Variants in MOSMO observed in about 807,000 individuals in gnomAD.
MOSMO encodes the protein modulator of smoothened protein.
MOSMO carries 5 observed loss-of-function variants against 18.4 expected under a neutral mutation model. The observed-to-expected ratio is 0.27, with a 90% CI of 0.14 to 0.57. MOSMO has a LOEUF of 0.57. Ranked by LOEUF, MOSMO falls within the 20% of genes least tolerant of loss-of-function variation. The pLI, the probability that MOSMO is intolerant of heterozygous loss-of-function variation, is 0.92. For missense variants in MOSMO, 138 were observed against 211.8 expected (o/e 0.65, Z 2.16); for synonymous variants, 82 against 82.3 (o/e 1.00, Z 0.02).
chr16:22,092,074 G>A (rs1267380173), downstream of MOSMO: 1 of 152,450 alleles, frequency 6.6e-6, no homozygotes, highest in Non-Finnish European at 1.5e-5. Flanking sequence ...GATGCGAAGA[G>A]GTCACTGAGC....
At chr16:22,010,933 GAAA>G (rs568258058) in intron 1 of MOSMO, among the ~76,000 whole-genome samples, 2 of 84,044 alleles carry the variant, frequency 2.4e-5, no homozygotes, top group Non-Finnish European at 5.1e-5. Context: ...AAAGAAAACA[GAAA>G]AAAAAAAAAA....
intron 2 of MOSMO, 141 bp from the exon 3 acceptor site, chr16:22,080,555 A>G: frequency 1.9e-6 from 1 of 527,614 alleles, no homozygotes; most frequent in South Asian, 2.9e-5. Flanking sequence ...GACCTGAAAT[A>G]TATACACATT....
intron 1 of MOSMO, among the ~76,000 whole-genome samples, chr16:22,021,189 G>T (rs1238835020): frequency 6.6e-6 from 1 of 152,130 alleles, no homozygotes; most frequent in Non-Finnish European, 1.5e-5. Context: ...CATTGGTCTG[G>T]TCTAGAATGG....
chr16:22,033,154 T>C (rs1900031261), intron 1 of MOSMO, among the ~76,000 whole-genome samples: 1 of 152,202 alleles, frequency 6.6e-6, no homozygotes, highest in South Asian at 2.1e-4. Flanking sequence ...AAAAATTCTA[T>C]GGCTATTCTG....
At chr16:22,036,886 A>T (rs1281090243) in intron 1 of MOSMO, among the ~76,000 whole-genome samples, 1 of 152,248 alleles carries the variant, frequency 6.6e-6, no homozygotes, top group Non-Finnish European at 1.5e-5. Flanking sequence ...TTGAATTTGA[A>T]GAGGTTGTCA....
At chr16:22,092,556 G>T in the MOSMO span, 73 of 1,531,378 alleles carry the variant, frequency 4.8e-5, no homozygotes, top group Non-Finnish European at 6.4e-5. Flanking sequence ...GCTTGGAGGA[G>T]CTTGGAGAAA....
chr16:22,032,102 A>G (rs1338961423), intron 1 of MOSMO, among the ~76,000 whole-genome samples: 1 of 151,772 alleles, frequency 6.6e-6, no homozygotes, highest in Non-Finnish European at 1.5e-5. Context: ...CCTGATTACT[A>G]ATGATGTAGC....
intron 1 of MOSMO, among the ~76,000 whole-genome samples, chr16:22,044,544 G>A (rs1900271087): frequency 1.3e-5 from 2 of 152,210 alleles, no homozygotes; most frequent in East Asian, 3.9e-4. Context: ...TTTTTGGATT[G>A]GGGATGCTCA....
In MOSMO at chr16:22,039,669, C is replaced by CA. The variant is rs1254064333; in HGVS notation, c.106+31269dup. On this transcript the variant is annotated intron_variant, in intron 1 of 2. Coordinates refer to ENST00000542527, the MANE Select transcript of MOSMO (RefSeq NM_001164579.2). ...CAACATAATGAGTCCTTGTCTCTTA[C>CA]AAAAAAAGAATTCATGAGCCAGGAG... Among the ~76,000 whole-genome samples, 11 of 151,972 alleles carry CA rather than the reference C, an allele frequency of 7.2e-5. No homozygotes were observed. In the East Asian group the frequency reaches 2.1e-3, roughly 29 times the overall value.
At chr16:22,050,733 A>G (rs2141745055) in intron 1 of MOSMO, among the ~76,000 whole-genome samples, 1 of 152,006 alleles carries the variant, frequency 6.6e-6, no homozygotes, top group South Asian at 2.1e-4. Flanking sequence ...AATTTTTTTA[A>G]GTAGATGGAT....
chr16:22,061,629 C>T (rs903861747), intron 1 of MOSMO, among the ~76,000 whole-genome samples: 1 of 152,116 alleles, frequency 6.6e-6, no homozygotes, highest in South Asian at 2.1e-4. Flanking sequence ...TCAGTATTTG[C>T]GGAATGAATG....
chr16:22,065,083 A>G (rs895145448), intron 1 of MOSMO, among the ~76,000 whole-genome samples: 1 of 152,194 alleles, frequency 6.6e-6, no homozygotes, highest in African/African-American at 2.4e-5. Flanking sequence ...GCTAGTTAGT[A>G]TTTAATGTCT....
At chr16:22,010,766 A>G (rs1010264972) in intron 1 of MOSMO, among the ~76,000 whole-genome samples, 3 of 152,060 alleles carry the variant, frequency 2.0e-5, no homozygotes, top group African/African-American at 7.2e-5. Flanking sequence ...TAAAAATACA[A>G]AGAAGTTAGC....
chr16:22,090,032 A>T (rs942091337), downstream of MOSMO: 9 of 152,036 alleles, frequency 5.9e-5, no homozygotes, highest in African/African-American at 1.9e-4. Context: ...CCTTCGGGCC[A>T]TGTGGTTTCA....
At chr16:22,017,351 A>C (rs1356355324) in intron 1 of MOSMO, among the ~76,000 whole-genome samples, 1 of 152,188 alleles carries the variant, frequency 6.6e-6, no homozygotes, top group Non-Finnish European at 1.5e-5. Context: ...TATAGGTATA[A>C]ATTTCATATT....
intron 1 of MOSMO, among the ~76,000 whole-genome samples, chr16:22,009,574 A>G (rs1484011397): frequency 6.6e-6 from 1 of 151,994 alleles, no homozygotes; most frequent in African/African-American, 2.4e-5. Context: ...GCTCCGATTT[A>G]AGGAATGGTC....
chr16:22,033,869 A>G (rs1337320847), intron 1 of MOSMO, among the ~76,000 whole-genome samples: 1 of 152,120 alleles, frequency 6.6e-6, no homozygotes, highest in African/African-American at 2.4e-5. Flanking sequence ...ACATTAGCCT[A>G]TAGTTGGGCA....
At chr16:22,092,473 G>A (rs1020300100), downstream of MOSMO, 17 of 752,216 alleles carry the variant, frequency 2.3e-5, no homozygotes, top group African/African-American at 2.3e-4. Flanking sequence ...CCTGCCCCGA[G>A]CTGCAGTGGT....
At chr16:22,055,427 C>T (rs375732959) in intron 1 of MOSMO, among the ~76,000 whole-genome samples, 1 of 152,302 alleles carries the variant, frequency 6.6e-6, no homozygotes, top group South Asian at 2.1e-4. Context: ...TTATGCTCTA[C>T]TGAAATAGTT....
Sources: gnomAD v4.1 joint callset for allele counts (sites outside exome capture counted in the v4.1 genomes callset) on GRCh38, gnomAD v4.1.1 for gene constraint, MANE v1.5 for transcripts, NCBI Gene and HGNC (gene_info 2026-07-23, HGNC 2026-07-21) for gene names.